The following CTNND2 variants were observed in gnomAD, a reference collection of about 807,000 sequenced individuals.
CTNND2 encodes the protein catenin delta 2.
A neutral mutation model predicts 144.4 loss-of-function variants in CTNND2; 22 were observed. That is an observed-to-expected ratio of 0.15 (90% CI 0.11 to 0.22). The LOEUF is 0.22. Ranked by LOEUF, CTNND2 falls within the 10% of genes least tolerant of loss-of-function variation. The pLI, the probability that CTNND2 is intolerant of heterozygous loss-of-function variation, is 1.00. For synonymous variants in CTNND2, 751 were observed against 695.6 expected (o/e 1.08, Z -1.25); for missense variants, 1,353 against 1,618.8 (o/e 0.84, Z 2.82).
At chr5:11,243,436 T>G (rs1742657529) in intron 9 of CTNND2, among the ~76,000 whole-genome samples, 1 of 152,178 alleles carries the variant, frequency 6.6e-6, no homozygotes, top group Non-Finnish European at 1.5e-5. Context: ...TGTGAACCCC[T>G]TAGAGCAGTG....
At chr5:11,727,965 A>C (rs1173277012) in intron 2 of CTNND2, among the ~76,000 whole-genome samples, 1 of 152,216 alleles carries the variant, frequency 6.6e-6, no homozygotes, top group Non-Finnish European at 1.5e-5. Flanking sequence ...ACTTCTTCCA[A>C]ATAGTATTCT....
chr5:11,755,034 C>T (rs1372138516), intron 1 of CTNND2, among the ~76,000 whole-genome samples: 1 of 151,604 alleles, frequency 6.6e-6, no homozygotes, highest in Non-Finnish European at 1.5e-5. Context: ...TGTATAGTGT[C>T]ACTGATTTAT....
At chr5:11,736,278 T>C (rs1787678471) in intron 1 of CTNND2, among the ~76,000 whole-genome samples, 1 of 152,200 alleles carries the variant, frequency 6.6e-6, no homozygotes, top group African/African-American at 2.4e-5. Context: ...CCTCCGGCAC[T>C]TGACAAGTGT....
intron 3 of CTNND2, among the ~76,000 whole-genome samples, chr5:11,416,976 T>G (rs919478771): frequency 2.6e-5 from 4 of 152,096 alleles, no homozygotes; most frequent in African/African-American, 9.7e-5. Flanking sequence ...CAACCATAAA[T>G]AACACTTAGC....
intron 2 of CTNND2, among the ~76,000 whole-genome samples, chr5:11,647,520 GC>G (rs976045524): frequency 6.6e-6 from 1 of 151,626 alleles, no homozygotes; most frequent in Non-Finnish European, 1.5e-5. Flanking sequence ...TGCTGATAGT[GC>G]CCCCCGCAAG....
rs139481901 is a variant in CTNND2 at position 11,377,856 on chromosome 5, T to G, written c.1177+6809A>C. Among the ~76,000 whole-genome samples the G allele has an allele frequency of 2.6e-5, 4 of 152,268 alleles. No individual in the cohort carries two copies. The East Asian group carries it at 7.7e-4, about 29-fold the overall frequency. The stretch of plus-strand genomic sequence containing the variant: ...GTTGGATAGAAATTGGATAGGAAGG[T>G]AAGTAGAATAGAGGTGCTATATCAA... On this transcript the variant is annotated intron_variant, in intron 7 of 21. Transcript: ENST00000304623.
chr5:11,745,460 T>C (rs10454934), intron 1 of CTNND2, among the ~76,000 whole-genome samples: 148,964 of 152,262 alleles, frequency 0.98, 72,945 homozygotes, highest in South Asian at 1. Context: ...TTTCCTCTCA[T>C]TGAACACTAT....
At chr5:11,470,335 G>A (rs1767074824) in intron 3 of CTNND2, among the ~76,000 whole-genome samples, 1 of 152,140 alleles carries the variant, frequency 6.6e-6, no homozygotes, top group African/African-American at 2.4e-5. Context: ...TCGGGAGACT[G>A]AGGCAGGAGG....
At position 11,904,197 on chromosome 5, in the gene CTNND2, C is replaced by T. The variant is rs954387306; in HGVS notation, c.-344G>A. 8.2e-5 allele frequency among the ~76,000 whole-genome samples: 12 copies of T among 145,692 alleles called. No homozygotes were observed. Among genetic ancestry groups the T allele is most frequent in the Non-Finnish European group, 1.8e-4 (12 of 65,628 alleles). ...GCTGAGAGAGCAGCCGCCGCGCCCG[C>T]AGCTCCGCTCAGCCGGCTGTCGCCG... is the stretch of plus-strand genomic sequence containing the variant. On this transcript the variant is annotated 5_prime_UTR_variant, in exon 1 of 22. Coordinates refer to ENST00000304623, the MANE Select transcript of CTNND2 (RefSeq NM_001332.4). The surrounding 1 kb of genome is among the most constrained non-coding windows in gnomAD (Gnocchi z 4.2).
chr5:11,221,063 A>AT (rs574502856), intron 10 of CTNND2, among the ~76,000 whole-genome samples: 144 of 152,084 alleles, frequency 9.5e-4, no homozygotes, highest in Middle Eastern at 3.4e-3. Context: ...AGCAAAGCAG[A>AT]TTTTTTTTTC....
intron 3 of CTNND2, among the ~76,000 whole-genome samples, chr5:11,441,368 ATTTTTT>A (rs774610481): frequency 2.0e-5 from 2 of 98,756 alleles, no homozygotes. Flanking sequence ...CCAATGTGGG[ATTTTTT>A]TTTTTTTTTT....
intron 9 of CTNND2, among the ~76,000 whole-genome samples, chr5:11,305,538 C>A (rs1750103524): frequency 6.6e-6 from 1 of 152,200 alleles, no homozygotes; most frequent in African/African-American, 2.4e-5. Flanking sequence ...ATTGTTTATG[C>A]ATCTTGTTCA....
intron 11 of CTNND2, among the ~76,000 whole-genome samples, chr5:11,170,897 T>C (rs1395425596): frequency 6.6e-6 from 1 of 152,148 alleles, no homozygotes; most frequent in Non-Finnish European, 1.5e-5. Context: ...TCGTATAACA[T>C]GGTGGCAGGC....
Position 11,038,765 on chromosome 5 carries a change from T to G in CTNND2, c.2789-15786A>C, listed in dbSNP as rs76287609. Among the ~76,000 whole-genome samples the G allele has an allele frequency of 7.9e-3, 1,210 of 152,332 alleles. 9 individuals are homozygous for G. The highest frequency in any genetic ancestry group is 0.018 in the South Asian group (88 of 4,828). ...AAAAGTTAACCCTCAAGATTTAACA[T>G]CATATAGCTCTCATTTTTATAACCA... On this transcript the variant is annotated intron_variant, in intron 16 of 21. Coordinates refer to ENST00000304623, the MANE Select transcript of CTNND2 (RefSeq NM_001332.4).
At chr5:11,321,036 CT>C (rs1751978204) in intron 9 of CTNND2, among the ~76,000 whole-genome samples, 1 of 151,958 alleles carries the variant, frequency 6.6e-6, no homozygotes, top group African/African-American at 2.4e-5. Flanking sequence ...TGCATATGAC[CT>C]TTTTTCTCAA....
At chr5:11,280,533 C>A (rs767280040) in intron 9 of CTNND2, among the ~76,000 whole-genome samples, 3 of 152,168 alleles carry the variant, frequency 2.0e-5, no homozygotes, top group South Asian at 2.1e-4. Context: ...TCCTCTTTTG[C>A]AAGGACATTA....
chr5:11,860,217 G>T (rs1795439279), intron 1 of CTNND2, among the ~76,000 whole-genome samples: 1 of 152,090 alleles, frequency 6.6e-6, no homozygotes, highest in East Asian at 1.9e-4. Flanking sequence ...CATCTTTTAA[G>T]CAAAATAGCA....
At chr5:11,545,751 G>C (rs183992053) in intron 3 of CTNND2, among the ~76,000 whole-genome samples, 1 of 151,134 alleles carries the variant, frequency 6.6e-6, no homozygotes, top group East Asian at 1.9e-4. Flanking sequence ...TGCTTGTCTA[G>C]CTATAAACCT....
At chr5:10,985,405 T>C (rs557973811) in intron 20 of CTNND2, among the ~76,000 whole-genome samples, 8 of 152,292 alleles carry the variant, frequency 5.3e-5, no homozygotes, top group Admixed American at 2.0e-4. Flanking sequence ...AAGAATTTTA[T>C]GAGGCTTCAT....
Sources: gnomAD v4.1 joint callset for allele counts (sites outside exome capture counted in the v4.1 genomes callset) on GRCh38, gnomAD v4.1.1 for gene constraint, Gnocchi (gnomAD v3.1) non-coding constraint, MANE v1.5 for transcripts, NCBI Gene and HGNC (gene_info 2026-07-23, HGNC 2026-07-21) for gene names.